The following GATA4 variants were observed in gnomAD, a reference collection of about 807,000 sequenced individuals.
The protein encoded by GATA4 is transcription factor GATA-4.
GATA4 carries 7 observed loss-of-function variants against 37.9 expected under a neutral mutation model. The observed-to-expected ratio is 0.18, with a 90% CI of 0.11 to 0.35. The LOEUF (loss-of-function observed/expected upper bound fraction) is 0.35, where lower values mean the gene tolerates loss of function less well. Among genes scored for constraint, GATA4 ranks in the 10% least tolerant of loss-of-function variants. GATA4 has a pLI of 1.00. For synonymous variants in GATA4, 372 were observed against 292.6 expected (o/e 1.27, Z -2.77); for missense variants, 647 against 653.0 (o/e 0.99, Z 0.10).
chr8:11,708,012 T>A lies in GATA4; in HGVS notation c.-301T>A. ...GCTGCCCTCCGTCTTCTGCCCCCAA[T>A]AGGTGCGCCGGACCTTCAGGCCCTG... On this transcript the variant is annotated 5_prime_UTR_variant, in exon 2 of 7. Coordinates refer to ENST00000532059, the MANE Select transcript of GATA4 (RefSeq NM_001308093.3). This position sits in a 1 kb window ranked among gnomAD's most constrained non-coding sequence, Gnocchi z 6.7. The A allele has an allele frequency of 2.4e-6, 1 of 424,376 alleles. No homozygotes were observed. The highest frequency in any genetic ancestry group is 4.4e-6 in the Non-Finnish European group (1 of 225,464). 26.3% of individuals were successfully genotyped at this position (424,376 alleles called of 1,614,324 possible). A position where few individuals can be genotyped will look rare whatever the true frequency, so the allele number is the denominator to read the frequency against.
intron 2 of GATA4, among the ~76,000 whole-genome samples, chr8:11,733,016 A>G (rs948664270): frequency 6.6e-6 from 1 of 152,180 alleles, no homozygotes; most frequent in Non-Finnish European, 1.5e-5. Context: ...CTTGTTAATA[A>G]AATGAATGAG....
At chr8:11,689,651 C>G (rs1204660840), upstream of GATA4, among the ~76,000 whole-genome samples, 4 of 152,188 alleles carry the variant, frequency 2.6e-5, no homozygotes, top group Non-Finnish European at 5.9e-5. Context: ...TTTTGAATGT[C>G]TATGACCTCC....
chr8:11,682,961 G>A (rs1799020252), intron 1 of GATA4: 1 of 585,636 alleles, frequency 1.7e-6, no homozygotes, highest in Non-Finnish European at 2.2e-6. Flanking sequence ...AATGCTATGG[G>A]TGTGGGGACA....
intron 2 of GATA4, among the ~76,000 whole-genome samples, chr8:11,729,139 A>T (rs1234705215): frequency 1.3e-5 from 2 of 152,204 alleles, no homozygotes; most frequent in Non-Finnish European, 2.9e-5. Context: ...AGGCTGAAGC[A>T]GGAGAATCAC....
At chr8:11,734,518 C>A (rs1283586461) in intron 2 of GATA4, among the ~76,000 whole-genome samples, 1 of 152,136 alleles carries the variant, frequency 6.6e-6, no homozygotes, top group Non-Finnish European at 1.5e-5. Context: ...CAGAGTTTTG[C>A]TCTTGTTGCC....
At chr8:11,680,950 C>T in intron 1 of GATA4, 1 of 984,894 alleles carries the variant, frequency 1.0e-6, no homozygotes, top group Non-Finnish European at 1.2e-6. Flanking sequence ...GTCACTGTGT[C>T]CCCCAGGTTA....
chr8:11,737,572 C>T (rs912015717), intron 2 of GATA4, among the ~76,000 whole-genome samples: 2 of 152,234 alleles, frequency 1.3e-5, no homozygotes, highest in Non-Finnish European at 2.9e-5. Context: ...GACCATATCA[C>T]AGCATTAGAA....
intron 2 of GATA4, among the ~76,000 whole-genome samples, chr8:11,733,354 A>G (rs929160096): frequency 2.0e-5 from 3 of 152,230 alleles, no homozygotes; most frequent in Admixed American, 1.3e-4. Flanking sequence ...AATTTTTTAA[A>G]AGGAGACTTA....
chr8:11,677,140 G>A (rs1349887713), intron 1 of GATA4: 4 of 152,570 alleles, frequency 2.6e-5, no homozygotes, highest in East Asian at 3.9e-4. Flanking sequence ...AAGGCTTGGG[G>A]AGTCTCCTTG....
At chr8:11,698,512 C>G (rs1179598098) in intron 1 of GATA4, among the ~76,000 whole-genome samples, 2 of 152,170 alleles carry the variant, frequency 1.3e-5, no homozygotes, top group African/African-American at 4.8e-5. Flanking sequence ...CCTCCTCTGT[C>G]TCTCTCGCTT....
At chr8:11,698,089 C>A (rs1799561443) in intron 1 of GATA4, 1 of 837,362 alleles carries the variant, frequency 1.2e-6, no homozygotes, top group Non-Finnish European at 1.4e-6. Flanking sequence ...CGCTTTCTGG[C>A]GTCCGTCCTC....
chr8:11,726,476 G>A (rs1800930184), intron 2 of GATA4, among the ~76,000 whole-genome samples: 1 of 152,218 alleles, frequency 6.6e-6, no homozygotes, highest in Non-Finnish European at 1.5e-5. Context: ...TGGGTCTGAG[G>A]CAGGGAGAAA....
In GATA4 at chr8:11,758,475, A is replaced by G; in HGVS notation, c.1332A>G (p.Ter444=). The G allele has an allele frequency of 3.7e-6, 6 of 1,614,066 alleles. No individual in the cohort carries two copies. Among genetic ancestry groups the G allele is most frequent in the South Asian group, 1.1e-5 (1 of 91,078 alleles). ...ADSHGDIITA[*] ...GTCACGGGGACATAATCACTGCGTA[A>G]TCTTCCCTCTTCCCTCCTCAAATTC... Residue 444 remains the stop codon, a stop_retained_variant, in exon 7 of 7, where the codon TAA becomes TAG. Coordinates refer to ENST00000532059, the MANE Select transcript of GATA4 (RefSeq NM_001308093.3).
intron 1 of GATA4, among the ~76,000 whole-genome samples, chr8:11,696,192 A>G (rs1290290851): frequency 4.6e-5 from 7 of 152,156 alleles, no homozygotes; most frequent in Non-Finnish European, 1.0e-4. Flanking sequence ...GTCTTGACAT[A>G]CACACAAATT....
At chr8:11,715,818 T>C (rs550415805) in intron 2 of GATA4, among the ~76,000 whole-genome samples, 1 of 152,176 alleles carries the variant, frequency 6.6e-6, no homozygotes, top group Admixed American at 6.5e-5. Flanking sequence ...TTTGCATTGC[T>C]GTGTATCAGA....
intron 1 of GATA4, among the ~76,000 whole-genome samples, chr8:11,696,862 C>A (rs1329729083): frequency 1.3e-5 from 2 of 152,232 alleles, no homozygotes; most frequent in African/African-American, 4.8e-5. Flanking sequence ...ATTTACTCTA[C>A]CTGTTCTGAG....
chr8:11,722,240 C>T (rs555306046), intron 2 of GATA4, among the ~76,000 whole-genome samples: 20 of 152,284 alleles, frequency 1.3e-4, no homozygotes, highest in African/African-American at 4.3e-4. Context: ...CATTTCATGA[C>T]CAGCTGTTTA....
chr8:11,748,636 A>G (rs1048980056), intron 2 of GATA4, among the ~76,000 whole-genome samples: 6 of 152,200 alleles, frequency 3.9e-5, no homozygotes, highest in African/African-American at 1.4e-4. Context: ...TCTGAATGTG[A>G]TACCTGCACT....
intron 1 of GATA4, among the ~76,000 whole-genome samples, chr8:11,686,574 C>A (rs932662952): frequency 6.6e-6 from 1 of 152,214 alleles, no homozygotes; most frequent in African/African-American, 2.4e-5. Flanking sequence ...AAGGCCGAGA[C>A]AGGCACCATA....
Sources: allele counts gnomAD v4.1 joint callset (sites outside exome capture counted in the v4.1 genomes callset), GRCh38; gene constraint gnomAD v4.1.1; non-coding constraint Gnocchi (gnomAD v3.1); transcripts MANE v1.5; gene names NCBI Gene and HGNC (gene_info 2026-07-23, HGNC 2026-07-21).